Variants in CDKAL1 observed in about 807,000 individuals in gnomAD.
The protein encoded by CDKAL1 is CDKAL1 threonylcarbamoyladenosine tRNA methylthiotransferase, also known as threonylcarbamoyladenosine tRNA methylthiotransferase.
A neutral mutation model predicts 68.2 loss-of-function variants in CDKAL1; 32 were observed. The observed-to-expected ratio is 0.47, with a 90% CI of 0.35 to 0.63. CDKAL1 has a LOEUF of 0.63. Ranked by LOEUF, CDKAL1 falls within the 30% of genes least tolerant of loss-of-function variation. CDKAL1 has a pLI of 0.00. For missense variants in CDKAL1, 606 were observed against 696.7 expected, an observed-to-expected ratio of 0.87 and a Z score of 1.47; for synonymous variants, 234 against 244.3, an observed-to-expected ratio of 0.96 and a Z score of 0.39.
chr6:20,615,120 T>G (rs1288509365), intron 4 of CDKAL1, among the ~76,000 whole-genome samples: 1 of 95,060 alleles, frequency 1.1e-5, no homozygotes, highest in Admixed American at 1.2e-4. Flanking sequence ...CATCATTTTT[T>G]ATGGCTGCAT....
intron 13 of CDKAL1, among the ~76,000 whole-genome samples, chr6:21,112,329 A>T (rs1187812837): frequency 6.6e-6 from 1 of 152,228 alleles, no homozygotes; most frequent in Admixed American, 6.5e-5. Flanking sequence ...TATTCTAAAA[A>T]ATTGAAATGC....
At chr6:20,919,849 G>A (rs1762871109) in intron 9 of CDKAL1, among the ~76,000 whole-genome samples, 1 of 152,144 alleles carries the variant, frequency 6.6e-6, no homozygotes, top group African/African-American at 2.4e-5. Flanking sequence ...GCACAAGAAT[G>A]TAACCTAGAT....
chr6:21,004,436 C>T (rs1767615766), intron 11 of CDKAL1, among the ~76,000 whole-genome samples: 1 of 152,138 alleles, frequency 6.6e-6, no homozygotes, highest in Non-Finnish European at 1.5e-5. Context: ...GCAACCTTTG[C>T]AAAGAAGAGC....
chr6:21,205,830 C>CTTTTTTTTTTTTTT lies in CDKAL1; in HGVS notation c.1548+4565_1548+4578dup, dbSNP rs34849597. On this transcript the variant is annotated intron_variant, in intron 15 of 15. Transcript: ENST00000274695. ...ACATGCGTGAGCCCCCGCGCCCAGC[C>CTTTTTTTTTTTTTT]TTTTTTTTTTTTTTTTTTTTTTGAG... Among the ~76,000 whole-genome samples the CTTTTTTTTTTTTTT allele has an allele frequency of 7.5e-5, 5 of 66,602 alleles. 1 individual carries two copies. Among genetic ancestry groups the CTTTTTTTTTTTTTT allele is most frequent in the African/African-American group, 3.5e-4 (4 of 11,510 alleles). 43.7% of individuals were successfully genotyped at this position (66,602 alleles called of 152,430 possible).
intron 4 of CDKAL1, among the ~76,000 whole-genome samples, chr6:20,595,540 C>G (rs1765783227): frequency 6.6e-6 from 1 of 152,006 alleles, no homozygotes; most frequent in South Asian, 2.1e-4. Context: ...TTATGTTTTT[C>G]TCTAAACTGG....
At chr6:20,969,358 C>T (rs903882496) in intron 10 of CDKAL1, among the ~76,000 whole-genome samples, 1 of 152,096 alleles carries the variant, frequency 6.6e-6, no homozygotes, top group Admixed American at 6.5e-5. Context: ...AATATATTTA[C>T]TATTCATTAA....
chr6:20,894,520 A>C (rs1010263059), intron 9 of CDKAL1, among the ~76,000 whole-genome samples: 6 of 151,136 alleles, frequency 4.0e-5, no homozygotes, highest in African/African-American at 1.5e-4. Flanking sequence ...CTGGTTTTAT[A>C]AAAGAAGTTT....
intron 9 of CDKAL1, among the ~76,000 whole-genome samples, chr6:20,896,097 TCTTTTC>T (rs1354538073): frequency 7.2e-5 from 8 of 110,932 alleles, no homozygotes; most frequent in African/African-American, 2.2e-4. Flanking sequence ...TCTTTTCTTT[TCTTTTC>T]TTTTTTTTTT....
chr6:20,871,476 AT>A (rs1760211935), intron 9 of CDKAL1, among the ~76,000 whole-genome samples: 1 of 152,158 alleles, frequency 6.6e-6, no homozygotes, highest in African/African-American at 2.4e-5. Flanking sequence ...CGAAGTTATG[AT>A]TTTTTATTTT....
chr6:20,957,060 G>A (rs79827477), intron 10 of CDKAL1, among the ~76,000 whole-genome samples: 1 of 149,556 alleles, frequency 6.7e-6, no homozygotes, highest in East Asian at 2.0e-4. Context: ...TGACAGTCTT[G>A]CTGTGTTTGC....
At chr6:20,797,828 T>TATTTTATTTTATTTTTTTTTA (rs1776177343) in intron 8 of CDKAL1, among the ~76,000 whole-genome samples, 3 of 149,208 alleles carry the variant, frequency 2.0e-5, no homozygotes, top group East Asian at 1.9e-4. Flanking sequence ...TATTTTATTT[T>TATTTTATTTTATTTTTTTTTA]TTCTTGGAGA....
At chr6:21,116,848 G>A (rs1186378817) in intron 13 of CDKAL1, among the ~76,000 whole-genome samples, 1 of 152,178 alleles carries the variant, frequency 6.6e-6, no homozygotes. Context: ...AAAAGTATCT[G>A]TGTTTCAACT....
chr6:21,111,342 G>C (rs1009786340), intron 13 of CDKAL1, among the ~76,000 whole-genome samples: 1 of 152,118 alleles, frequency 6.6e-6, no homozygotes, highest in African/African-American at 2.4e-5. Context: ...AATTTCCTTC[G>C]GGTTTCATCC....
At chr6:20,802,846 C>T (rs1776425006) in intron 8 of CDKAL1, among the ~76,000 whole-genome samples, 1 of 152,176 alleles carries the variant, frequency 6.6e-6, no homozygotes, top group Admixed American at 6.5e-5. Flanking sequence ...TTAGATTACT[C>T]TGTGTCTGCA....
chr6:21,105,957 G>C (rs972889331), intron 12 of CDKAL1, among the ~76,000 whole-genome samples: 2 of 152,296 alleles, frequency 1.3e-5, no homozygotes, highest in Non-Finnish European at 2.9e-5. Flanking sequence ...TTAAATAGAA[G>C]AGAGAAATTC....
intron 13 of CDKAL1, among the ~76,000 whole-genome samples, chr6:21,184,174 C>G (rs971369353): frequency 4.0e-5 from 6 of 150,498 alleles, no homozygotes; most frequent in African/African-American, 7.4e-5. Flanking sequence ...AAATATTTTA[C>G]CCCGAAATAC....
rs145368449 is a variant in CDKAL1 at position 20,913,897 on chromosome 6, G to A, written c.743-41522G>A. 4.0e-3 allele frequency among the ~76,000 whole-genome samples: 609 copies of A among 152,320 alleles called. 6 individuals carry two copies. Among genetic ancestry groups the A allele is most frequent in the African/African-American group, 0.013 (545 of 41,566 alleles). ...CCCAACTACTCAGGAGGCTGAGGCA[G>A]GAAGGATTGCTTGAGCCCAGGAGTT... On this transcript the variant is annotated intron_variant, in intron 9 of 15. Transcript: ENST00000274695.
intron 5 of CDKAL1, among the ~76,000 whole-genome samples, chr6:20,652,976 C>T (rs190249253): frequency 2.0e-5 from 3 of 152,044 alleles, no homozygotes; most frequent in Non-Finnish European, 4.4e-5. Context: ...CTTGTTTAGC[C>T]GTATTTTGAA....
chr6:20,755,909 A>G (rs1326902522), intron 6 of CDKAL1, among the ~76,000 whole-genome samples: 2 of 152,186 alleles, frequency 1.3e-5, no homozygotes, highest in Admixed American at 6.5e-5. Context: ...ATTTTATGAT[A>G]TGCTTTCTAA....
Sources: gnomAD v4.1 joint callset for allele counts (sites outside exome capture counted in the v4.1 genomes callset) on GRCh38, gnomAD v4.1.1 for gene constraint, MANE v1.5 for transcripts, NCBI Gene and HGNC (gene_info 2026-07-23, HGNC 2026-07-21) for gene names.